Variants in GFPT2 observed in about 807,000 individuals in gnomAD.
GFPT2 encodes the protein glutamine--fructose-6-phosphate transaminase 2.
In GFPT2, 62 loss-of-function variants were observed where a neutral mutation model predicts 85.6. The observed-to-expected ratio is 0.72, with a 90% confidence interval of 0.59 to 0.90. The LOEUF (loss-of-function observed/expected upper bound fraction) is 0.90. Among genes scored for constraint, GFPT2 ranks in the 40% least tolerant of loss-of-function variants. The pLI is 0.00. For missense variants in GFPT2, 788 were observed against 893.4 expected (o/e 0.88, Z 1.50); for synonymous variants, 368 against 344.5 (o/e 1.07, Z -0.75).
Position 180,301,200 on chromosome 5 carries a change from T to TA in GFPT2, c.*363dup. On this transcript the variant is annotated 3_prime_UTR_variant, in exon 19 of 19. Transcript: ENST00000253778. ...AAAGCCACATACTAGAAAAATAACT[T>TA]AAAAGCTATACAGTCGTCATTATAA... 7.2e-6 allele frequency: 2 copies of TA among 276,028 alleles called. No individual in the cohort carries two copies. Among genetic ancestry groups the TA allele is most frequent in the African/African-American group, 2.2e-5 (1 of 45,950 alleles). The allele number at this position is 276,028 out of a possible 1,614,324, so 17.1% of individuals were successfully genotyped here.
At chr5:180,331,068 T>C (rs974442422) in intron 5 of GFPT2, 10 of 548,900 alleles carry the variant, frequency 1.8e-5, no homozygotes, top group African/African-American at 3.8e-5. Flanking sequence ...AATCTGGACA[T>C]TGCAAAATAA....
At chr5:180,316,214 T>A (rs1351811140) in intron 13 of GFPT2, 127 bp downstream of exon 13, 1 of 916,156 alleles carries the variant, frequency 1.1e-6, no homozygotes, top group Non-Finnish European at 1.7e-6. Context: ...ACGGGTTAAA[T>A]GACCGCTGCA....
At chr5:180,308,803 G>T (rs1314600042) in intron 15 of GFPT2, among the ~76,000 whole-genome samples, 10 of 151,994 alleles carry the variant, frequency 6.6e-5, no homozygotes, top group Non-Finnish European at 1.5e-5. Flanking sequence ...TTCTTAAAAT[G>T]GACACTTTTA....
chr5:180,332,601 G>A (rs1225927058), intron 4 of GFPT2, among the ~76,000 whole-genome samples: 1 of 152,108 alleles, frequency 6.6e-6, no homozygotes, highest in Non-Finnish European at 1.5e-5. Context: ...GCAGTGGCGT[G>A]ACCTTGGCTC....
chr5:180,324,004 A>G (rs1581378532), intron 9 of GFPT2, among the ~76,000 whole-genome samples, 184 bp downstream of exon 9: 1 of 152,378 alleles, frequency 6.6e-6, no homozygotes, highest in East Asian at 1.9e-4. Flanking sequence ...TACCACAGTC[A>G]TGCAGGTGCT....
chr5:180,305,126 C>G (rs145839746), intron 16 of GFPT2, among the ~76,000 whole-genome samples, 187 bp from the exon 17 acceptor site: 2 of 152,090 alleles, frequency 1.3e-5, no homozygotes, highest in African/African-American at 4.8e-5. Flanking sequence ...TGGGGAGAGG[C>G]CTGGCTACCA....
Position 180,323,275 on chromosome 5 carries a change from C to A in GFPT2, c.794+913G>T, listed in dbSNP as rs1561877792. On this transcript the variant is annotated intron_variant, in intron 9 of 18. Coordinates refer to ENST00000253778, the MANE Select transcript of GFPT2 (RefSeq NM_005110.4). The surrounding 1 kb of genome is among the most constrained non-coding windows in gnomAD (Gnocchi z 4.0). ...CACCATTTGGGAAGCGCTGCCTTGA[C>A]CTCAGCGTTAAGTATGATGCTGGCT... Among the ~76,000 whole-genome samples the A allele has an allele frequency of 6.6e-6, 1 of 152,272 alleles. No individual in the cohort carries two copies. The highest frequency in any genetic ancestry group is 2.1e-4 in the South Asian group (1 of 4,810).
chr5:180,332,069 G>A (rs1160183464), intron 4 of GFPT2, among the ~76,000 whole-genome samples: 2 of 152,282 alleles, frequency 1.3e-5, no homozygotes, highest in East Asian at 1.9e-4. Context: ...TGGTTTCCTT[G>A]GGGGAAAAAT....
At chr5:180,317,125 C>A in intron 10 of GFPT2, 67 bp from the exon 11 acceptor site, 7 of 1,010,334 alleles carry the variant, frequency 6.9e-6, no homozygotes. Flanking sequence ...TATGCAGCAG[C>A]GATAGTAACT....
intron 13 of GFPT2, among the ~76,000 whole-genome samples, chr5:180,315,279 G>A (rs4700938): frequency 0.73 from 110,822 of 151,532 alleles, 40,821 homozygotes; most frequent in African/African-American, 0.82. Flanking sequence ...CCGGGTTCAC[G>A]CCATTCTCCT....
intron 1 of GFPT2, among the ~76,000 whole-genome samples, chr5:180,350,419 C>T (rs528052021): frequency 6.6e-6 from 1 of 152,334 alleles, no homozygotes; most frequent in Non-Finnish European, 1.5e-5. Flanking sequence ...CAGTACTCTA[C>T]CAGGCTGTAG....
chr5:180,305,802 C>G (rs975490629), intron 16 of GFPT2, among the ~76,000 whole-genome samples: 1 of 152,184 alleles, frequency 6.6e-6, no homozygotes, highest in Non-Finnish European at 1.5e-5. Context: ...CTCTACTGCA[C>G]TCCAAGAAGC....
At chr5:180,313,577 G>A (rs1321547215) in intron 14 of GFPT2, among the ~76,000 whole-genome samples, 4 of 151,120 alleles carry the variant, frequency 2.6e-5, no homozygotes, top group Non-Finnish European at 5.9e-5. Context: ...GCGACAGAGT[G>A]AGACTCCGTC....
intron 9 of GFPT2, among the ~76,000 whole-genome samples, chr5:180,322,039 G>A (rs1012302130): frequency 5.3e-5 from 8 of 151,544 alleles, no homozygotes; most frequent in African/African-American, 7.3e-5. Flanking sequence ...TGTCCGCCTC[G>A]GCCTCCCAAA....
Position 180,302,465 on chromosome 5 carries a change from C to T in GFPT2, c.1962G>A (p.Leu654=). Reference sequence around the variant, plus strand: ...CAGCCAGGTGGAAGGACAGCAGCTGCAGCGGAATCACGCTCAGGATGCCCT... The same window carrying T: ...CAGCCAGGTGGAAGGACAGCAGCTGTAGCGGAATCACGCTCAGGATGCCCT... ...CLQGILSVIP[L]QLLSFHLAVL... is the part of the protein sequence containing the mutation. Residue 654 remains leucine (L), a synonymous_variant, in exon 18 of 19, where the codon CTG becomes CTA. Coordinates refer to ENST00000253778, the MANE Select transcript of GFPT2 (RefSeq NM_005110.4). 1 of 1,614,094 alleles carries T rather than the reference C, an allele frequency of 6.2e-7. No individual in the cohort carries two copies. Among genetic ancestry groups the T allele is most frequent in the Non-Finnish European group, 8.5e-7 (1 of 1,179,972 alleles).
chr5:180,350,410 A>G (rs904183030), intron 1 of GFPT2, among the ~76,000 whole-genome samples: 8 of 152,224 alleles, frequency 5.3e-5, no homozygotes, highest in South Asian at 2.1e-4. Flanking sequence ...CTGTTCGGCC[A>G]GTACTCTACC....
chr5:180,321,792 GTTTTGTTTT>G (rs1051839384), intron 9 of GFPT2, among the ~76,000 whole-genome samples: 1 of 152,096 alleles, frequency 6.6e-6, no homozygotes, highest in African/African-American at 2.4e-5. Context: ...GTTTTGTTTT[GTTTTGTTTT>G]GAGACGGAGT....
At position 180,321,761 on chromosome 5, in the gene GFPT2, GGTTTTGTTTTGTTTTGTTTTGTTTT is replaced by G. The variant is rs10610483; in HGVS notation, c.794+2402_794+2426del. Among the ~76,000 whole-genome samples the G allele has an allele frequency of 8.0e-5, 12 of 150,542 alleles. No individual in the cohort carries two copies. The South Asian group carries it at 1.3e-3, about 16-fold the overall frequency. The stretch of plus-strand genomic sequence containing the variant: ...CATAAACAAATAAAATAATATGGAG[GGTTTTGTTTTGTTTTGTTTTGTTTT>G]GTTTTGTTTTGTTTTGAGACGGAGT... On this transcript the variant is annotated intron_variant, in intron 9 of 18. Transcript: ENST00000253778.
Position 180,352,340 on chromosome 5 carries a change from A to G in GFPT2, c.7+871T>C, listed in dbSNP as rs76958641. On this transcript the variant is annotated intron_variant, in intron 1 of 18. Transcript: ENST00000253778. Reference sequence around the variant, plus strand: ...ATGGGTAACCGAATCCTACTCAAGGAAAAAAAAAAAAAAAAAAAAGAGCAC... The same window carrying G: ...ATGGGTAACCGAATCCTACTCAAGGGAAAAAAAAAAAAAAAAAAAGAGCAC... The G allele has an allele frequency of 2.5e-3, 110 of 44,510 alleles. 2 individuals are homozygous for G. The highest frequency in any genetic ancestry group is 0.019 in the East Asian group (15 of 804). 2.8% of individuals were successfully genotyped at this position (44,510 alleles called of 1,614,324 possible).
Sources: gnomAD v4.1 joint callset for allele counts (sites outside exome capture counted in the v4.1 genomes callset) on GRCh38, gnomAD v4.1.1 for gene constraint, Gnocchi (gnomAD v3.1) non-coding constraint, MANE v1.5 for transcripts, NCBI Gene and HGNC (gene_info 2026-07-23, HGNC 2026-07-21) for gene names.